The following PCDHGB6 variants were observed in gnomAD, a reference collection of about 807,000 sequenced individuals.
The protein encoded by PCDHGB6 is protocadherin gamma subfamily B, 6.
PCDHGB6 carries 51 observed loss-of-function variants against 59.1 expected under a neutral mutation model. That is an observed-to-expected ratio of 0.86 (90% CI 0.69 to 1.09). The LOEUF is 1.09. Among genes scored for constraint, PCDHGB6 ranks in the 50% least tolerant of loss-of-function variants. PCDHGB6 has a pLI of 0.00. For synonymous variants in PCDHGB6, 466 were observed against 495.1 expected, an observed-to-expected ratio of 0.94 and a Z score of 0.78; for missense variants, 1,148 against 1,205.1, an observed-to-expected ratio of 0.95 and a Z score of 0.70.
chr5:141,489,084 C>G lies in PCDHGB6; in HGVS notation c.2419-5723C>G. ...CTCCCCCCTGCCCACCCCCGCCACT[C>G]GGTGACTAAGAACTGCTGCAAGCAG... On this transcript the variant is annotated intron_variant, in intron 1 of 3. Transcript: ENST00000520790. This position sits in a 1 kb window ranked among gnomAD's most constrained non-coding sequence, Gnocchi z 4.5. 6.1e-6 allele frequency: 2 copies of G among 329,126 alleles called. No homozygotes were observed. The highest frequency in any genetic ancestry group is 2.5e-5 in the African/African-American group (1 of 40,384). 20.4% of individuals were successfully genotyped at this position (329,126 alleles called of 1,614,324 possible). A position where few individuals can be genotyped will look rare whatever the true frequency, so the allele number is the denominator to read the frequency against.
intron 2 of PCDHGB6, among the ~76,000 whole-genome samples, chr5:141,502,056 C>T (rs1163976282): frequency 1.3e-5 from 2 of 152,116 alleles, no homozygotes; most frequent in Non-Finnish European, 2.9e-5. Flanking sequence ...CTACTTTATT[C>T]CCATTAGCCC....
intron 1 of PCDHGB6, chr5:141,422,849 C>A: frequency 1.2e-6 from 2 of 1,614,238 alleles, no homozygotes; most frequent in Non-Finnish European, 8.5e-7. Context: ...AGCGGGGACC[C>A]GCCCCTCAGC....
intron 1 of PCDHGB6, chr5:141,418,140 A>C (rs1487263767): frequency 6.2e-7 from 1 of 1,613,986 alleles, no homozygotes; most frequent in African/African-American, 1.3e-5. Context: ...GACCGTGAGC[A>C]AATATGCAAA....
chr5:141,488,748 T>C (rs2099679003), intron 1 of PCDHGB6, among the ~76,000 whole-genome samples: 1 of 152,270 alleles, frequency 6.6e-6, no homozygotes, highest in African/African-American at 2.4e-5. Flanking sequence ...ATGCAGGAAG[T>C]TGCTGGGACA....
rs996353495 is a variant in PCDHGB6, at chr5:141,485,101, T to G, written c.2419-9706T>G. 12 of 1,158,090 alleles carry G rather than the reference T, an allele frequency of 1.0e-5. No individual in the cohort carries two copies. Among genetic ancestry groups the G allele is most frequent in the Non-Finnish European group, 1.4e-5 (11 of 786,830 alleles). The allele number at this position is 1,158,090 out of a possible 1,614,324, so 71.7% of individuals were successfully genotyped here. ...GGAAAGGGAGATAGGTGTCTCCAGC[T>G]GCTGTGGCTGTTTGGGGCGGGTCGG... On this transcript the variant is annotated intron_variant, in intron 1 of 3. Transcript: ENST00000520790. This position sits in a 1 kb window ranked among gnomAD's most constrained non-coding sequence, Gnocchi z 5.7.
chr5:141,419,035 T>G, intron 1 of PCDHGB6: 1 of 1,613,954 alleles, frequency 6.2e-7, no homozygotes, highest in Non-Finnish European at 8.5e-7. Context: ...GTGTTCCATT[T>G]AAGATTCATT....
rs199952854 is a variant in PCDHGB6 at position 141,477,297 on chromosome 5, G to T, written c.2419-17510G>T. 4 of 1,614,176 alleles carry T rather than the reference G, an allele frequency of 2.5e-6. No individual in the cohort carries two copies. Among genetic ancestry groups the T allele is most frequent in the Non-Finnish European group, 3.4e-6 (4 of 1,180,040 alleles). On this transcript the variant is annotated intron_variant, in intron 1 of 3. Coordinates refer to ENST00000520790, the MANE Select transcript of PCDHGB6 (RefSeq NM_018926.3). The surrounding 1 kb of genome is among the most constrained non-coding windows in gnomAD (Gnocchi z 4.9). ...CTGGTGACCTGCGAAGTTCCACCGGGTCTCCCTTTCAGCCTTACTTCTTCC... is the reference window on the plus strand; with the variant it reads ...CTGGTGACCTGCGAAGTTCCACCGGTTCTCCCTTTCAGCCTTACTTCTTCC...
At chr5:141,482,719 G>C (rs1221351410) in intron 1 of PCDHGB6, among the ~76,000 whole-genome samples, 1 of 129,252 alleles carries the variant, frequency 7.7e-6, no homozygotes, top group African/African-American at 3.5e-5. Flanking sequence ...GGCAGGGAGG[G>C]GCCATTGCAA....
chr5:141,463,438 CTTTTTTTTTT>C (rs71576115), intron 1 of PCDHGB6, among the ~76,000 whole-genome samples: 6 of 103,254 alleles, frequency 5.8e-5, no homozygotes, highest in Non-Finnish European at 9.4e-5. Flanking sequence ...TTTCCTTCTC[CTTTTTTTTTT>C]TTTTTTTTTT....
At chr5:141,484,102 A>T (rs1404220648) in intron 1 of PCDHGB6, among the ~76,000 whole-genome samples, 1 of 152,206 alleles carries the variant, frequency 6.6e-6, no homozygotes, top group African/African-American at 2.4e-5. Flanking sequence ...GTTGGTAATT[A>T]ACAAAAGATC....
rs374663576 is a variant in PCDHGB6, at chr5:141,489,905, G to T, written c.2419-4902G>T. On this transcript the variant is annotated intron_variant, in intron 1 of 3. Coordinates refer to ENST00000520790, the MANE Select transcript of PCDHGB6 (RefSeq NM_018926.3). The surrounding 1 kb of genome is among the most constrained non-coding windows in gnomAD (Gnocchi z 4.5). ...GCTGTGGATGGGGGGACCCCAGCCC[G>T]CTCAGGGACCACCCTTATCTCTGTC... The T allele has an allele frequency of 9.7e-5, 156 of 1,614,226 alleles. 3 individuals are homozygous for T. The South Asian group carries it at 1.6e-3, about 16-fold the overall frequency.
intron 1 of PCDHGB6, chr5:141,421,478 G>C: frequency 6.2e-7 from 1 of 1,614,130 alleles, no homozygotes. Context: ...CGAAGCGGCA[G>C]CTTGATCACG....
chr5:141,429,697 C>T (rs2097236349), intron 1 of PCDHGB6, among the ~76,000 whole-genome samples: 1 of 152,134 alleles, frequency 6.6e-6, no homozygotes, highest in African/African-American at 2.4e-5. Context: ...AATATCTTTA[C>T]AGTATAAATA....
chr5:141,421,574 A>C, intron 1 of PCDHGB6: 1 of 1,613,924 alleles, frequency 6.2e-7, no homozygotes. Flanking sequence ...GACACCTTGA[A>C]GATTTACGGA....
chr5:141,462,811 T>C (rs893444929), intron 1 of PCDHGB6, among the ~76,000 whole-genome samples: 1 of 152,206 alleles, frequency 6.6e-6, no homozygotes, highest in Non-Finnish European at 1.5e-5. Context: ...ATAATGTTTT[T>C]ATTGGACAGC....
At position 141,485,681 on chromosome 5, in the gene PCDHGB6, T is replaced by A; in HGVS notation, c.2419-9126T>A. The A allele has an allele frequency of 6.2e-7, 1 of 1,614,074 alleles. No homozygotes were observed. The highest frequency in any genetic ancestry group is 8.5e-7 in the Non-Finnish European group (1 of 1,179,966). ...TGTGGGGAGCAATTCGATTAGCAGC[T>A]ATAGGCTGAGCTCCAATGAACACTT... On this transcript the variant is annotated intron_variant, in intron 1 of 3. Transcript: ENST00000520790. The surrounding 1 kb of genome is among the most constrained non-coding windows in gnomAD (Gnocchi z 5.7).
chr5:141,490,597 C>T lies in PCDHGB6; in HGVS notation c.2419-4210C>T, dbSNP rs781077720. Reference sequence around the variant, plus strand: ...TTCAGATGTCAATGACAATGCACCCCGCTTCAACCAGCAGCTTTACACTGC... The same window carrying T: ...TTCAGATGTCAATGACAATGCACCCTGCTTCAACCAGCAGCTTTACACTGC... On this transcript the variant is annotated intron_variant, in intron 1 of 3. Coordinates refer to ENST00000520790, the MANE Select transcript of PCDHGB6 (RefSeq NM_018926.3). The surrounding 1 kb of genome is among the most constrained non-coding windows in gnomAD (Gnocchi z 5.4). The T allele has an allele frequency of 1.2e-5, 20 of 1,614,182 alleles. No homozygotes were observed. The highest frequency in any genetic ancestry group is 3.3e-5 in the Admixed American group (2 of 60,026).
At chr5:141,504,288 GT>G (rs1175142876) in intron 2 of PCDHGB6, among the ~76,000 whole-genome samples, 1 of 152,124 alleles carries the variant, frequency 6.6e-6, no homozygotes, top group Non-Finnish European at 1.5e-5. Flanking sequence ...ATCATTTCAT[GT>G]TTTTTCAACA....
Position 141,476,380 on chromosome 5 carries a change from G to C in PCDHGB6, c.2419-18427G>C. 1 of 1,614,154 alleles carries C rather than the reference G, an allele frequency of 6.2e-7. No homozygotes were observed. The highest frequency in any genetic ancestry group is 8.5e-7 in the Non-Finnish European group (1 of 1,180,042). On this transcript the variant is annotated intron_variant, in intron 1 of 3. Coordinates refer to ENST00000520790, the MANE Select transcript of PCDHGB6 (RefSeq NM_018926.3). The surrounding 1 kb of genome is among the most constrained non-coding windows in gnomAD (Gnocchi z 7.6). ...ACCGGGAGACCGGAGAGATGTTTGT[G>C]AACGACCGTCTGGATCGAGAGGAGC... is the stretch of plus-strand genomic sequence containing the variant.
Sources: gnomAD v4.1 joint callset for allele counts (sites outside exome capture counted in the v4.1 genomes callset) on GRCh38, gnomAD v4.1.1 for gene constraint, Gnocchi (gnomAD v3.1) non-coding constraint, MANE v1.5 for transcripts, NCBI Gene and HGNC (gene_info 2026-07-23, HGNC 2026-07-21) for gene names.